TBC1D5: variants seen among roughly 807,000 people sequenced by gnomAD.
The protein encoded by TBC1D5 is TBC1 domain family member 5.
TBC1D5 carries 75 observed loss-of-function variants against 100.3 expected under a neutral mutation model. That is an observed-to-expected ratio of 0.75 (90% confidence interval 0.62 to 0.91). The LOEUF (loss-of-function observed/expected upper bound fraction) is 0.91, where lower values mean the gene tolerates loss of function less well. Among genes scored for constraint, TBC1D5 ranks in the 40% least tolerant of loss-of-function variants. The probability of loss-of-function intolerance (pLI) is 0.00; values close to 1 mark genes in which losing one functional copy is unlikely to be tolerated. For synonymous variants in TBC1D5, 323 were observed against 325.6 expected (o/e 0.99, Z 0.09); for missense variants, 910 against 942.4 (o/e 0.97, Z 0.45).
chr3:17,542,113 C>A (rs1560121613), intron 2 of TBC1D5, among the ~76,000 whole-genome samples: 1 of 151,978 alleles, frequency 6.6e-6, no homozygotes, highest in Non-Finnish European at 1.5e-5. Flanking sequence ...CAAGGTGAAA[C>A]CCCATCTCTA....
At chr3:17,484,697 G>T (rs1351609610) in intron 3 of TBC1D5, among the ~76,000 whole-genome samples, 1 of 151,886 alleles carries the variant, frequency 6.6e-6, no homozygotes, top group African/African-American at 2.4e-5. Context: ...ATTGCCCAGG[G>T]TGGTCTTCCA....
At chr3:17,245,022 CAAAAAAAAAAA>C (rs34531807) in intron 16 of TBC1D5, among the ~76,000 whole-genome samples, 4 of 35,362 alleles carry the variant, frequency 1.1e-4, no homozygotes, top group Non-Finnish European at 2.3e-4. Context: ...CCTGTCTCTA[CAAAAAAAAAAA>C]AAAAAAAAAA....
chr3:17,705,945 G>A (rs563780557), intron 1 of TBC1D5: 91 of 1,244,256 alleles, frequency 7.3e-5, no homozygotes, highest in Non-Finnish European at 9.4e-5. Flanking sequence ...TCCTCCAGCC[G>A]CTGCCTCCCG....
At chr3:17,175,887 C>G (rs931118908) in intron 19 of TBC1D5, among the ~76,000 whole-genome samples, 2 of 152,220 alleles carry the variant, frequency 1.3e-5, no homozygotes, top group Non-Finnish European at 2.9e-5. Flanking sequence ...CTGGTCTGCA[C>G]CTCCCCTGGC....
chr3:17,636,616 C>G (rs943215291), intron 1 of TBC1D5, among the ~76,000 whole-genome samples: 5 of 151,724 alleles, frequency 3.3e-5, no homozygotes, highest in African/African-American at 1.2e-4. Flanking sequence ...ACGGTGAAAC[C>G]CTGTCTCTAC....
At position 17,406,405 on chromosome 3, in the gene TBC1D5, A is replaced by T. The variant is rs774022331; in HGVS notation, c.276+13T>A. 6.2e-7 allele frequency: 1 copy of T among 1,601,518 alleles called. No individual in the cohort carries two copies. The highest frequency in any genetic ancestry group is 8.5e-7 in the Non-Finnish European group (1 of 1,175,194). On this transcript the variant is annotated intron_variant, in intron 5 of 21. Coordinates refer to ENST00000253692, the Ensembl canonical transcript of TBC1D5. ...TTGCAACCAGAAACTGTAAATAAAT[A>T]TTTTCTTCTTACCTTCCAGCAAATG... is the stretch of plus-strand genomic sequence containing the variant.
At chr3:17,384,407 T>C (rs115448093) in intron 8 of TBC1D5, among the ~76,000 whole-genome samples, 42 of 152,246 alleles carry the variant, frequency 2.8e-4, no homozygotes, top group African/African-American at 9.9e-4. Context: ...ATTGTCATTC[T>C]TTTTCCTTGA....
intron 3 of TBC1D5, among the ~76,000 whole-genome samples, chr3:17,431,208 T>C (rs2094442073): frequency 6.6e-6 from 1 of 151,940 alleles, no homozygotes; most frequent in Admixed American, 6.6e-5. Context: ...TTCTGATCCT[T>C]GAACTAAGTT....
At chr3:17,693,729 G>A (rs554035632) in intron 1 of TBC1D5, among the ~76,000 whole-genome samples, 2 of 152,336 alleles carry the variant, frequency 1.3e-5, no homozygotes, top group South Asian at 4.1e-4. Flanking sequence ...AGAGAGCAGT[G>A]GTTCTCCCAA....
Position 17,245,946 on chromosome 3 carries a change from C to T in TBC1D5, c.1332-7527G>A, listed in dbSNP as rs114719153. Among the ~76,000 whole-genome samples the T allele has an allele frequency of 9.1e-3, 1,389 of 152,228 alleles. 23 individuals carry two copies. The highest frequency in any genetic ancestry group is 0.031 in the African/African-American group (1,296 of 41,512). On this transcript the variant is annotated intron_variant, in intron 16 of 21. Transcript: ENST00000253692. ...AGGGATTTTCTGGCCTAGACTAACA[C>T]ATGAGAAAGGGAAGAGAGTATAATC...
intron 18 of TBC1D5, among the ~76,000 whole-genome samples, chr3:17,187,162 T>C (rs1384708326): frequency 2.0e-5 from 3 of 152,254 alleles, no homozygotes; most frequent in Non-Finnish European, 4.4e-5. Flanking sequence ...ACCATCAATT[T>C]CTTCCCTCCC....
intron 14 of TBC1D5, among the ~76,000 whole-genome samples, chr3:17,292,968 C>T (rs1276787302): frequency 2.0e-5 from 3 of 152,246 alleles, no homozygotes; most frequent in Admixed American, 6.5e-5. Flanking sequence ...ATTATTTTTT[C>T]TTCTGCTGTT....
chr3:17,628,494 G>A (rs1282305927), intron 1 of TBC1D5, among the ~76,000 whole-genome samples: 1 of 151,582 alleles, frequency 6.6e-6, no homozygotes, highest in South Asian at 2.1e-4. Context: ...GCCTAAAACA[G>A]AAAATAACAA....
chr3:17,209,581 A>G (rs1022588316), intron 18 of TBC1D5, among the ~76,000 whole-genome samples: 4 of 152,198 alleles, frequency 2.6e-5, no homozygotes, highest in African/African-American at 9.6e-5. Context: ...CCATCTTCTC[A>G]ACAGGTATAG....
At chr3:17,487,868 A>T (rs2095589872) in intron 3 of TBC1D5, among the ~76,000 whole-genome samples, 1 of 152,184 alleles carries the variant, frequency 6.6e-6, no homozygotes, top group African/African-American at 2.4e-5. Context: ...AAAACTGAAC[A>T]AAAGTACAGT....
intron 18 of TBC1D5, among the ~76,000 whole-genome samples, chr3:17,212,632 G>C (rs1429964848): frequency 6.6e-6 from 1 of 151,992 alleles, no homozygotes; most frequent in Non-Finnish European, 1.5e-5. Flanking sequence ...CCTCCAGGGG[G>C]ACAAAACGTG....
At chr3:17,582,675 T>A in intron 2 of TBC1D5, among the ~76,000 whole-genome samples, 1 of 140,998 alleles carries the variant, frequency 7.1e-6, no homozygotes, top group African/African-American at 2.7e-5. Flanking sequence ...ACAACTGTAG[T>A]ATGCTATCAA....
At chr3:17,358,909 G>A (rs114013074) in intron 13 of TBC1D5, among the ~76,000 whole-genome samples, 1,600 of 151,894 alleles carry the variant, frequency 0.011, 28 homozygotes, top group African/African-American at 0.036. Context: ...ACAATAATTC[G>A]TGTAAAATGA....
intron 15 of TBC1D5, among the ~76,000 whole-genome samples, chr3:17,278,392 A>G (rs761648597): frequency 6.6e-6 from 1 of 152,200 alleles, no homozygotes; most frequent in Admixed American, 6.5e-5. Context: ...CGATATGTGT[A>G]TATTTATTTA....
Sources: gnomAD v4.1 joint callset for allele counts (sites outside exome capture counted in the v4.1 genomes callset) on GRCh38, gnomAD v4.1.1 for gene constraint, MANE v1.5 for transcripts, NCBI Gene and HGNC (gene_info 2026-07-23, HGNC 2026-07-21) for gene names.